The following CCDC57 variants were observed in gnomAD, a reference collection of about 807,000 sequenced individuals.
The protein encoded by CCDC57 is coiled-coil domain containing 57.
Under a neutral mutation model 118.9 loss-of-function variants are expected in CCDC57, and 118 were observed. The ratio of observed to expected loss-of-function variants is 0.99; its 90% CI spans 0.86 to 1.16. The LOEUF is 1.16. Among genes scored for constraint, CCDC57 ranks in the 50% most tolerant of loss-of-function variants. CCDC57 has a pLI of 0.00. For missense variants in CCDC57, 1,300 were observed against 1,320.7 expected, an observed-to-expected ratio of 0.98 and a Z score of 0.24; for synonymous variants, 527 against 532.9, an observed-to-expected ratio of 0.99 and a Z score of 0.15.
intron 2 of CCDC57, among the ~76,000 whole-genome samples, chr17:82,204,094 C>T (rs974911911): frequency 6.6e-6 from 1 of 152,110 alleles, no homozygotes; most frequent in Admixed American, 6.5e-5. Context: ...CCTGGGGGTC[C>T]TGAGACGGCG....
chr17:82,121,998 G>A (rs1467081327), intron 19 of CCDC57, among the ~76,000 whole-genome samples: 1 of 152,142 alleles, frequency 6.6e-6, no homozygotes, highest in Admixed American at 6.5e-5. Context: ...TGTCAGGAAC[G>A]CTCCTTCCTG....
At chr17:82,181,601 G>C (rs1432092682) in intron 9 of CCDC57, among the ~76,000 whole-genome samples, 1 of 152,104 alleles carries the variant, frequency 6.6e-6, no homozygotes, top group Non-Finnish European at 1.5e-5. Flanking sequence ...CTCTCCAGTA[G>C]AAAAATCAGC....
exon 3 of CCDC57, chr17:82,201,699 C>T: frequency 6.2e-7 from 1 of 1,613,952 alleles, no homozygotes; most frequent in East Asian, 2.2e-5. Flanking sequence ...CTTCCCACTC[C>T]CTGGCCTGGG....
At chr17:82,173,744 C>A (rs2045078248) in intron 11 of CCDC57, among the ~76,000 whole-genome samples, 1 of 152,132 alleles carries the variant, frequency 6.6e-6, no homozygotes, top group African/African-American at 2.4e-5. Context: ...ACATGTTACC[C>A]TAGGGTCAAA....
At chr17:82,191,707 C>T (rs2047687264) in intron 7 of CCDC57, among the ~76,000 whole-genome samples, 1 of 152,110 alleles carries the variant, frequency 6.6e-6, no homozygotes, top group South Asian at 2.1e-4. Flanking sequence ...CACTTTGTCA[C>T]CCAGGGTAGA....
intron 15 of CCDC57, chr17:82,152,000 C>T: frequency 1.8e-6 from 1 of 544,404 alleles, no homozygotes; most frequent in Non-Finnish European, 3.3e-6. Context: ...ATCTCCCAGG[C>T]CAGGGTGGCC....
chr17:82,142,763 T>C (rs1422242440), intron 16 of CCDC57, among the ~76,000 whole-genome samples: 1 of 152,210 alleles, frequency 6.6e-6, no homozygotes, highest in East Asian at 1.9e-4. Flanking sequence ...ATATTTAATA[T>C]GGTTGTTAAA....
chr17:82,148,630 A>G (rs1437649374), intron 16 of CCDC57, among the ~76,000 whole-genome samples: 13 of 41,452 alleles, frequency 3.1e-4, no homozygotes, highest in Non-Finnish European at 4.1e-4. Flanking sequence ...GTAGATGGAT[A>G]GATGGATGGG....
chr17:82,173,294 G>A (rs940867387), intron 11 of CCDC57, among the ~76,000 whole-genome samples: 13 of 152,144 alleles, frequency 8.5e-5, no homozygotes, highest in African/African-American at 1.9e-4. Context: ...CCAGTTTTGC[G>A]TTATGTATAC....
intron 5 of CCDC57, among the ~76,000 whole-genome samples, chr17:82,195,055 C>G (rs976868896): frequency 6.6e-6 from 1 of 152,374 alleles, no homozygotes; most frequent in African/African-American, 2.4e-5. Context: ...TGAACTGGCA[C>G]CCGGTGCCCA....
At chr17:82,148,308 A>G (rs1480395972) in intron 16 of CCDC57, among the ~76,000 whole-genome samples, 14 of 74,170 alleles carry the variant, frequency 1.9e-4, no homozygotes, top group African/African-American at 3.3e-4. Flanking sequence ...TGGGTGGGTG[A>G]ATGGATAAAT....
Position 82,192,225 on chromosome 17 carries a change from T to TCC in CCDC57, c.851+1529_851+1530dup, listed in dbSNP as rs374205458. 8.3e-3 allele frequency among the ~76,000 whole-genome samples: 1,266 copies of TCC among 152,210 alleles called. 12 individuals are homozygous for TCC. The highest frequency in any genetic ancestry group is 0.029 in the African/African-American group (1,213 of 41,526). ...GTCTCAAACTCCTGACCTCAAGTGA[T>TCC]CCCCCTGACTCAGCCTCCCAAAGTG... On this transcript the variant is annotated intron_variant, in intron 7 of 19. Coordinates refer to ENST00000665763, the Ensembl canonical transcript of CCDC57. The surrounding 1 kb of genome is among the most constrained non-coding windows in gnomAD (Gnocchi z 4.0).
intron 13 of CCDC57, among the ~76,000 whole-genome samples, chr17:82,168,609 C>T (rs986214851): frequency 2.6e-5 from 4 of 152,016 alleles, no homozygotes; most frequent in Non-Finnish European, 5.9e-5. Flanking sequence ...ACAAGAAATT[C>T]ATTTCAAATA....
chr17:82,162,886 C>T (rs561357169), intron 14 of CCDC57, among the ~76,000 whole-genome samples: 3 of 146,490 alleles, frequency 2.0e-5, no homozygotes, highest in African/African-American at 5.1e-5. Context: ...TCGGGCAGCC[C>T]GCACACACGC....
chr17:82,180,970 G>C (rs1300053428), intron 9 of CCDC57, among the ~76,000 whole-genome samples: 1 of 152,226 alleles, frequency 6.6e-6, no homozygotes, highest in Non-Finnish European at 1.5e-5. Context: ...AGGTCCTCGC[G>C]AGATGGGCCC....
intron 11 of CCDC57, 48 bp downstream of exon 10, chr17:82,178,426 A>G: frequency 6.5e-7 from 1 of 1,539,712 alleles, no homozygotes; most frequent in Non-Finnish European, 8.8e-7. Flanking sequence ...CTATTTTCCC[A>G]CCGCTGCTGT....
chr17:82,156,049 A>G (rs34960918), intron 15 of CCDC57: 70,999 of 151,862 alleles, frequency 0.47, 17,404 homozygotes, highest in East Asian at 0.88. Context: ...TAATCCCACC[A>G]CTTTGGGGGA....
chr17:82,198,862 G>A (rs1263711353), intron 3 of CCDC57, among the ~76,000 whole-genome samples: 9 of 151,062 alleles, frequency 6.0e-5, no homozygotes, highest in Admixed American at 1.3e-4. Flanking sequence ...GCGTGGTGGC[G>A]GGCGCCTGTA....
chr17:82,158,219 G>T (rs1329179616), intron 14 of CCDC57, among the ~76,000 whole-genome samples: 1 of 152,236 alleles, frequency 6.6e-6, no homozygotes, highest in Admixed American at 6.5e-5. Flanking sequence ...ATGGACTGAG[G>T]CAGAGCGCCT....
Sources: allele counts gnomAD v4.1 joint callset (sites outside exome capture counted in the v4.1 genomes callset), GRCh38; gene constraint gnomAD v4.1.1; non-coding constraint Gnocchi (gnomAD v3.1); transcripts MANE v1.5; gene names NCBI Gene and HGNC (gene_info 2026-07-23, HGNC 2026-07-21).